The following MRPL21 variants were observed in gnomAD, a reference collection of about 807,000 sequenced individuals.
The protein encoded by MRPL21 is mitochondrial ribosomal protein L21, also known as large ribosomal subunit protein bL21m.
Under a neutral mutation model 27.3 loss-of-function variants are expected in MRPL21, and 20 were observed. That is an observed-to-expected ratio of 0.73 (90% CI 0.52 to 1.06). The LOEUF (loss-of-function observed/expected upper bound fraction) is 1.06, where lower values mean the gene tolerates loss of function less well. MRPL21 is among the 50% of genes least tolerant of loss of function. MRPL21 has a pLI of 0.00. For missense variants in MRPL21, 249 were observed against 251.4 expected, an observed-to-expected ratio of 0.99 and a Z score of 0.06; for synonymous variants, 98 against 101.5, an observed-to-expected ratio of 0.97 and a Z score of 0.21.
chr11:68,897,844 G>T, intron 3 of MRPL21, 83 bp downstream of exon 3: 1 of 1,016,808 alleles, frequency 9.8e-7, no homozygotes, highest in Non-Finnish European at 1.5e-6. Context: ...GCCTCGTTCT[G>T]TGGCCTGGTG....
At chr11:68,898,671 C>G (rs563511557) in intron 2 of MRPL21, among the ~76,000 whole-genome samples, 1 of 152,214 alleles carries the variant, frequency 6.6e-6, no homozygotes, top group African/African-American at 2.4e-5. Flanking sequence ...TGTTCACAGC[C>G]GGTCCCAGCA....
chr11:68,893,087 TTTG>T (rs1857693560), intron 5 of MRPL21, 94 bp from the exon 6 acceptor site: 2 of 1,411,846 alleles, frequency 1.4e-6, no homozygotes, highest in East Asian at 4.9e-5. Context: ...TACTTTCTCT[TTTG>T]TTGATTATAA....
intron 4 of MRPL21, 73 bp from the exon 5 acceptor site, chr11:68,893,528 G>C (rs2154005500): frequency 6.3e-7 from 1 of 1,575,402 alleles, no homozygotes; most frequent in East Asian, 2.3e-5. Context: ...ATAACAGGTA[G>C]TGATGTCAAC....
Position 68,903,803 on chromosome 11 carries a change from G to A in MRPL21, c.8C>T (p.Ala3Val), listed in dbSNP as rs1288663243. 8 of 1,336,424 alleles carry A rather than the reference G, an allele frequency of 6.0e-6. No homozygotes were observed. The highest frequency in any genetic ancestry group is 4.8e-5 in the East Asian group (2 of 41,494). The allele number at this position is 1,336,424 out of a possible 1,614,324, so 82.8% of individuals were successfully genotyped here. Residue 3 changes from alanine (A) to valine (V), a missense_variant, in exon 1 of 7, where the codon GCA becomes GTA. By Grantham distance (64) the Ala-to-Val change is moderately conservative. Transcript: ENST00000362034. MA[A>V]SSLTVTLGRL... is the part of the protein sequence containing the mutation. ...CCCTAAGGTGACCGTCAGGGAAGATGCTGCCATGGCCGCAGCCTCGGCCGG... is the reference window on the plus strand; with the variant it reads ...CCCTAAGGTGACCGTCAGGGAAGATACTGCCATGGCCGCAGCCTCGGCCGG...
chr11:68,896,043 T>G lies in MRPL21; in HGVS notation c.396+472A>C, dbSNP rs150627527. ...ACCCAGGGAAATGCCTGTCAACCAG[T>G]GTTTACTATTTAAAAACAGCAGCAG... On this transcript the variant is annotated intron_variant, in intron 4 of 6. Coordinates refer to ENST00000362034, the MANE Select transcript of MRPL21 (RefSeq NM_181514.2). Among the ~76,000 whole-genome samples, 363 of 152,324 alleles carry G rather than the reference T, an allele frequency of 2.4e-3. 2 individuals are homozygous for G. Among genetic ancestry groups the G allele is most frequent in the African/African-American group, 8.4e-3 (349 of 41,588 alleles).
Position 68,893,832 on chromosome 11 carries a change from G to A in MRPL21, c.397-377C>T, listed in dbSNP as rs140153171. On this transcript the variant is annotated intron_variant, in intron 4 of 6. Coordinates refer to ENST00000362034, the MANE Select transcript of MRPL21 (RefSeq NM_181514.2). ...CTCATGCCTGTAATCCCAGCACTTT[G>A]GGAGGCCGAGGTGGGTGGATCACAA... 6.9e-3 allele frequency among the ~76,000 whole-genome samples: 1,044 copies of A among 152,248 alleles called. 12 individuals are homozygous for A. The highest frequency in any genetic ancestry group is 0.021 in the African/African-American group (878 of 41,534).
At chr11:68,891,496 G>A (rs555016407) in intron 6 of MRPL21, 101 bp from the exon 7 acceptor site, 36 of 1,118,758 alleles carry the variant, frequency 3.2e-5, no homozygotes, top group African/African-American at 2.1e-4. Context: ...GCGCGACCCC[G>A]GCAACGTCCC....
intron 5 of MRPL21, 114 bp from the exon 6 acceptor site, chr11:68,893,107 T>C (rs1857694390): frequency 4.4e-6 from 6 of 1,358,694 alleles, no homozygotes; most frequent in South Asian, 1.6e-5. Flanking sequence ...ATAAAAGTAA[T>C]ACGCCCTCAA....
chr11:68,900,570 G>A lies in MRPL21; in HGVS notation c.124C>T (p.Gln42Ter), dbSNP rs1239514766. Residue 42 changes from glutamine to a stop codon, truncating the protein, a stop_gained, in exon 2 of 7, where the codon CAG (glutamine) becomes TAG (stop). Coordinates refer to ENST00000362034, the MANE Select transcript of MRPL21 (RefSeq NM_181514.2). LOFTEE classifies it high-confidence loss of function. ...TACCCTGGTAGATATGAAGTGCTCT[G>A]TGAATTGAACCTTCGAGAAGCAGAC... is the stretch of plus-strand genomic sequence containing the variant. ...LWSASRRFNS[Q>*]STSYLPGYVP... 4 of 1,613,912 alleles carry A rather than the reference G, an allele frequency of 2.5e-6. No homozygotes were observed. The highest frequency in any genetic ancestry group is 3.4e-6 in the Non-Finnish European group (4 of 1,179,880).
chr11:68,896,638 C>T lies in MRPL21; in HGVS notation c.273G>A (p.Gln91=). The stretch of plus-strand genomic sequence containing the variant: ...GCACCACGGCAAAGAGCCTGCCATA[C>T]TGCCCCGTGACGATCATCTCATTCA... The part of the protein sequence containing the change: ...KKVNEMIVTG[Q]YGRLFAVVHF... Residue 91 remains glutamine, a synonymous_variant, in exon 4 of 7, where the codon CAG becomes CAA. Transcript: ENST00000362034. 6.2e-7 allele frequency: 1 copy of T among 1,614,242 alleles called. No individual in the cohort carries two copies. Among genetic ancestry groups the T allele is most frequent in the Non-Finnish European group, 8.5e-7 (1 of 1,180,038 alleles).
At chr11:68,903,501 G>A (rs757525702) in intron 1 of MRPL21, among the ~76,000 whole-genome samples, 44 of 152,074 alleles carry the variant, frequency 2.9e-4, no homozygotes, top group Non-Finnish European at 5.1e-4. Context: ...CATAACATAG[G>A]GCCTATACCA....
rs1370409159 is a variant in MRPL21 at position 68,891,348 on chromosome 11, C to T, written c.601G>A (p.Ala201Thr). Residue 201 changes from alanine to threonine, a missense_variant, in exon 7 of 7, where the codon GCT (alanine) becomes ACT (threonine). Physicochemically the swap from Ala to Thr is moderately conservative, Grantham distance 58 (BLOSUM62 0). Coordinates refer to ENST00000362034, the MANE Select transcript of MRPL21 (RefSeq NM_181514.2). ...CTCGGTAATCACAACAAACACGGAG[C>T]AATCTCAATGCTGTTTATCCGGAGG... ...TVLRINSIEI[A>T]PCLL 6.2e-7 allele frequency: 1 copy of T among 1,614,054 alleles called. No individual in the cohort carries two copies. Among genetic ancestry groups the T allele is most frequent in the African/African-American group, 1.3e-5 (1 of 75,054 alleles).
At chr11:68,896,365 G>T in intron 4 of MRPL21, 150 bp downstream of exon 4, 3 of 991,708 alleles carry the variant, frequency 3.0e-6, no homozygotes, top group Non-Finnish European at 4.5e-6. Flanking sequence ...CGCCGTGGGC[G>T]CCCCCCAAAG....
intron 4 of MRPL21, 126 bp from the exon 5 acceptor site, chr11:68,893,581 T>A: frequency 1.6e-6 from 2 of 1,242,904 alleles, no homozygotes; most frequent in Non-Finnish European, 2.3e-6. Context: ...TGACATGAAT[T>A]TCATCTGCTG....
intron 5 of MRPL21, 71 bp from the exon 6 acceptor site, chr11:68,893,064 T>G (rs1439543085): frequency 6.9e-7 from 1 of 1,447,918 alleles, no homozygotes; most frequent in Middle Eastern, 2.5e-4. Context: ...TGAGAATTTC[T>G]AAAATGAAGT....
chr11:68,899,440 C>T (rs1857882077), intron 2 of MRPL21, among the ~76,000 whole-genome samples: 1 of 152,204 alleles, frequency 6.6e-6, no homozygotes, highest in African/African-American at 2.4e-5. Flanking sequence ...CCACACCAAT[C>T]TGGGAGAGGA....
At chr11:68,899,607 G>A (rs75689211) in intron 2 of MRPL21, among the ~76,000 whole-genome samples, 1 of 152,172 alleles carries the variant, frequency 6.6e-6, no homozygotes, top group African/African-American at 2.4e-5. Context: ...CTCCCCATAC[G>A]GGTTCAGCAG....
At chr11:68,900,745 G>A (rs2154006069) in intron 1 of MRPL21, 140 bp from the exon 2 acceptor site, 1 of 724,060 alleles carries the variant, frequency 1.4e-6, no homozygotes, top group Non-Finnish European at 2.5e-6. Context: ...GAAACACCTA[G>A]GTGAGCAAAA....
chr11:68,903,820 C>A lies in MRPL21; in HGVS notation c.-10G>T. On this transcript the variant is annotated 5_prime_UTR_variant, in exon 1 of 7. The change creates a new upstream start codon in the 5' untranslated region. Coordinates refer to ENST00000362034, the MANE Select transcript of MRPL21 (RefSeq NM_181514.2). Reference sequence around the variant, plus strand: ...GGGAAGATGCTGCCATGGCCGCAGCCTCGGCCGGAAACGGAAACGACGCGA... The same window carrying A: ...GGGAAGATGCTGCCATGGCCGCAGCATCGGCCGGAAACGGAAACGACGCGA... 1 of 1,612,668 alleles carries A rather than the reference C, an allele frequency of 6.2e-7. No homozygotes were observed. The highest frequency in any genetic ancestry group is 8.5e-7 in the Non-Finnish European group (1 of 1,179,704).
Sources: gnomAD v4.1 joint callset for allele counts (sites outside exome capture counted in the v4.1 genomes callset) on GRCh38, gnomAD v4.1.1 for gene constraint, MANE v1.5 for transcripts, NCBI Gene and HGNC (gene_info 2026-07-23, HGNC 2026-07-21) for gene names.